MIDEAS: variants seen among roughly 807,000 people sequenced by gnomAD.
MIDEAS encodes the protein mitotic deacetylase associated SANT domain protein.
In MIDEAS, 26 loss-of-function variants were observed where a neutral mutation model predicts 102.7. The observed-to-expected ratio is 0.25, with a 90% CI of 0.19 to 0.35. The LOEUF (loss-of-function observed/expected upper bound fraction) is 0.35. MIDEAS is among the 10% of genes least tolerant of loss of function. MIDEAS has a pLI of 1.00. For synonymous variants in MIDEAS, 585 were observed against 591.0 expected (o/e 0.99, Z 0.15); for missense variants, 1,231 against 1,435.6 (o/e 0.86, Z 2.30).
In MIDEAS at chr14:73,759,308, G is replaced by A. The variant is rs1438942030; in HGVS notation, c.-248+455C>T. ...GGCTAGCCCCTCGCCGCGCCTTCCG[G>A]GCCTGGGCTCCGTCACGTCAGCCGG... is the stretch of plus-strand genomic sequence containing the variant. On this transcript the variant is annotated intron_variant, in intron 1 of 12. Coordinates refer to ENST00000423556, the MANE Select transcript of MIDEAS (RefSeq NM_001367710.1). This position sits in a 1 kb window ranked among gnomAD's most constrained non-coding sequence, Gnocchi z 6.7. 6.6e-6 allele frequency among the ~76,000 whole-genome samples: 1 copy of A among 151,998 alleles called. No individual in the cohort carries two copies. Among genetic ancestry groups the A allele is most frequent in the African/African-American group, 2.4e-5 (1 of 41,402 alleles).
At chr14:73,755,593 G>A (rs2140148024) in intron 1 of MIDEAS, among the ~76,000 whole-genome samples, 1 of 152,270 alleles carries the variant, frequency 6.6e-6, no homozygotes, top group African/African-American at 2.4e-5. Flanking sequence ...CTGGGGCCTG[G>A]GCGGGTAGGT....
At chr14:73,754,002 G>A (rs1054215353) in intron 1 of MIDEAS, among the ~76,000 whole-genome samples, 1 of 152,198 alleles carries the variant, frequency 6.6e-6, no homozygotes, top group Non-Finnish European at 1.5e-5. Flanking sequence ...GCTGAGGAAG[G>A]GCTGCAGGAA....
At chr14:73,779,139 C>A (rs1490082535) in intron 1 of MIDEAS, among the ~76,000 whole-genome samples, 3 of 151,822 alleles carry the variant, frequency 2.0e-5, no homozygotes, top group Admixed American at 2.0e-4. Flanking sequence ...GTAATCCCAG[C>A]TCTTTGGGAG....
Position 73,737,043 on chromosome 14 carries a change from G to A in MIDEAS, c.1704C>T (p.Thr568=), listed in dbSNP as rs534563848. The A allele has an allele frequency of 1.4e-5, 23 of 1,613,974 alleles. No homozygotes were observed. Among genetic ancestry groups the A allele is most frequent in the South Asian group, 8.8e-5 (8 of 91,074 alleles). ...PAEHKPSVIV[T]RRRSTRIPGT... ...CGGGGATTCGGGTGGACCGCCTGCG[G>A]GTGACGATGACTGATGGCTTGTGCT... is the stretch of plus-strand genomic sequence containing the variant. The change falls in exon 3 of 13, where the codon ACC becomes ACT. Residue 568 remains threonine, a synonymous_variant. Coordinates refer to ENST00000423556, the MANE Select transcript of MIDEAS (RefSeq NM_001367710.1).
chr14:73,739,667 C>A lies in MIDEAS; in HGVS notation c.342G>T (p.Gly114=). 1 of 1,613,806 alleles carries A rather than the reference C, an allele frequency of 6.2e-7. No homozygotes were observed. Among genetic ancestry groups the A allele is most frequent in the Non-Finnish European group, 8.5e-7 (1 of 1,179,932 alleles). The change falls in exon 2 of 13, where the codon GGG becomes GGT. Residue 114 remains glycine, a synonymous_variant. Transcript: ENST00000423556. ...PGRGPERGGG[G]GVSDSSWQQQ... ...GCTGCCAGCTGCTGTCACTGACACC[C>A]CCACCTCCTCCACGCTCCGGGCCCC...
At chr14:73,769,729 G>A (rs554717257) in intron 1 of MIDEAS, among the ~76,000 whole-genome samples, 9 of 152,112 alleles carry the variant, frequency 5.9e-5, no homozygotes, top group Non-Finnish European at 8.8e-5. Context: ...AGCCTCCCGA[G>A]TAACTGGGAC....
In MIDEAS at chr14:73,759,816, G is replaced by A. The variant is rs1377944008; in HGVS notation, c.-301C>T. ...GGCTCGGCTGTCCCCCTTCCGCCGC[G>A]GGTCGCCGCCTTCGGTCGCCTCCGG... On this transcript the variant is annotated 5_prime_UTR_variant, in exon 1 of 13. Transcript: ENST00000423556. The surrounding 1 kb of genome is among the most constrained non-coding windows in gnomAD (Gnocchi z 6.7). The A allele has an allele frequency of 1.3e-5, 2 of 151,972 alleles. No homozygotes were observed. Among genetic ancestry groups the A allele is most frequent in the African/African-American group, 2.4e-5 (1 of 41,426 alleles). 9.4% of individuals were successfully genotyped at this position (151,972 alleles called of 1,614,324 possible). A position where few individuals can be genotyped will look rare whatever the true frequency, so the allele number is the denominator to read the frequency against.
chr14:73,759,941 G>A lies in MIDEAS; in HGVS notation c.-426C>T, dbSNP rs1312522246. The A allele has an allele frequency of 6.6e-6, 1 of 151,908 alleles. No individual in the cohort carries two copies. The highest frequency in any genetic ancestry group is 1.9e-4 in the East Asian group (1 of 5,142). 9.4% of individuals were successfully genotyped at this position (151,908 alleles called of 1,614,324 possible). A position where few individuals can be genotyped will look rare whatever the true frequency, so the allele number is the denominator to read the frequency against. On this transcript the variant is annotated 5_prime_UTR_variant, in exon 1 of 13. Transcript: ENST00000423556. This position sits in a 1 kb window ranked among gnomAD's most constrained non-coding sequence, Gnocchi z 6.7. ...GCTTCCGCCAGCCCGCGCCTCCCGA[G>A]GCTGAGAAGTTTGCTGGCAGGGCCC...
chr14:73,751,650 A>G (rs1017917339), intron 1 of MIDEAS, among the ~76,000 whole-genome samples: 4 of 152,152 alleles, frequency 2.6e-5, no homozygotes, highest in African/African-American at 7.2e-5. Flanking sequence ...TGTAATCCCA[A>G]CACTTTGGGA....
chr14:73,726,567 C>A, intron 7 of MIDEAS, 37 bp downstream of exon 7: 1 of 1,600,532 alleles, frequency 6.2e-7, no homozygotes, highest in Non-Finnish European at 8.6e-7. Context: ...CCAGCCCCCA[C>A]TGAGGGGCCC....
At chr14:73,727,699 C>T in intron 4 of MIDEAS, 175 bp from the exon 5 acceptor site, 1 of 590,392 alleles carries the variant, frequency 1.7e-6, no homozygotes, top group Non-Finnish European at 2.9e-6. Context: ...AACGCAGGCC[C>T]TTCACTAAAT....
At position 73,740,055 on chromosome 14, in the gene MIDEAS, C is replaced by T; in HGVS notation, c.-47G>A. On this transcript the variant is annotated 5_prime_UTR_variant, in exon 2 of 13. Coordinates refer to ENST00000423556, the MANE Select transcript of MIDEAS (RefSeq NM_001367710.1). ...GCGGTGAGATCCCCTTCAACAGTCG[C>T]CCATCCCCTGGGGAAACGTCCTGCT... 1 of 1,426,982 alleles carries T rather than the reference C, an allele frequency of 7.0e-7. No homozygotes were observed. The highest frequency in any genetic ancestry group is 9.2e-7 in the Non-Finnish European group (1 of 1,088,152). The allele number at this position is 1,426,982 out of a possible 1,614,324, so 88.4% of individuals were successfully genotyped here.
At chr14:73,751,326 C>G (rs1215039994) in intron 1 of MIDEAS, among the ~76,000 whole-genome samples, 1 of 152,266 alleles carries the variant, frequency 6.6e-6, no homozygotes, top group Non-Finnish European at 1.5e-5. Flanking sequence ...TCACACCAGG[C>G]TGCCTGGGAT....
intron 1 of MIDEAS, among the ~76,000 whole-genome samples, chr14:73,778,173 A>G (rs933801644): frequency 1.1e-4 from 16 of 151,818 alleles, no homozygotes; most frequent in Non-Finnish European, 2.1e-4. Flanking sequence ...TGGCCAACAT[A>G]GTGCAACCCC....
chr14:73,777,170 A>G (rs1211610232), intron 1 of MIDEAS, among the ~76,000 whole-genome samples: 1 of 151,954 alleles, frequency 6.6e-6, no homozygotes, highest in African/African-American at 2.4e-5. Context: ...TTGCCTCTGG[A>G]GCGAGTGGCA....
chr14:73,729,893 C>T lies in MIDEAS; in HGVS notation c.1842G>A (p.Lys614=). Residue 614 remains lysine, a synonymous_variant, in exon 4 of 13, where the codon AAG becomes AAA. Transcript: ENST00000423556. ...PRPEPLIIPT[K]AGTFIAPPVY... ...CGGGAGGGGCGATGAAAGTGCCCGC[C>T]TTGGTGGGGATGATGAGGGGCTCGG... 6.2e-7 allele frequency: 1 copy of T among 1,613,182 alleles called. No homozygotes were observed. The highest frequency in any genetic ancestry group is 8.5e-7 in the Non-Finnish European group (1 of 1,179,414).
chr14:73,721,696 G>C, intron 10 of MIDEAS, 187 bp from the exon 11 acceptor site: 1 of 586,934 alleles, frequency 1.7e-6, no homozygotes, highest in Non-Finnish European at 3.0e-6. Context: ...GGACAGAAGA[G>C]TCTCAAGCCC....
intron 1 of MIDEAS, among the ~76,000 whole-genome samples, chr14:73,749,105 G>C (rs921199010): frequency 1.3e-5 from 2 of 152,122 alleles, no homozygotes; most frequent in African/African-American, 4.8e-5. Context: ...AGAAGATTTA[G>C]ACACTATAAA....
intron 1 of MIDEAS, among the ~76,000 whole-genome samples, chr14:73,784,214 T>G (rs1453916968): frequency 2.0e-5 from 3 of 152,246 alleles, no homozygotes; most frequent in Non-Finnish European, 4.4e-5. Flanking sequence ...CCAGGGCTGC[T>G]CAGGAGCCGT....
Sources: allele counts gnomAD v4.1 joint callset (sites outside exome capture counted in the v4.1 genomes callset), GRCh38; gene constraint gnomAD v4.1.1; non-coding constraint Gnocchi (gnomAD v3.1); transcripts MANE v1.5; gene names NCBI Gene and HGNC (gene_info 2026-07-23, HGNC 2026-07-21).